Variants in CNTN5 observed in about 807,000 individuals in gnomAD.
CNTN5 encodes the protein contactin-5.
Under a neutral mutation model 129.1 loss-of-function variants are expected in CNTN5, and 77 were observed. The ratio of observed to expected loss-of-function variants is 0.60; its 90% CI spans 0.50 to 0.72. CNTN5 has a LOEUF of 0.72. CNTN5 is among the 30% of genes least tolerant of loss of function. CNTN5 has a pLI of 0.00. For synonymous variants in CNTN5, 509 were observed against 465.6 expected, an observed-to-expected ratio of 1.09 and a Z score of -1.20; for missense variants, 1,478 against 1,328.8, an observed-to-expected ratio of 1.11 and a Z score of -1.75.
intron 3 of CNTN5, among the ~76,000 whole-genome samples, chr11:99,790,318 C>T (rs1370719064): frequency 6.6e-6 from 1 of 151,972 alleles, no homozygotes; most frequent in Non-Finnish European, 1.5e-5. Flanking sequence ...TTGATCCTCA[C>T]CCTTCTCTCT....
At chr11:99,542,004 G>C (rs1948133584) in intron 2 of CNTN5, among the ~76,000 whole-genome samples, 1 of 150,014 alleles carries the variant, frequency 6.7e-6, no homozygotes, top group South Asian at 2.1e-4. Flanking sequence ...GAAATGTGGG[G>C]ACAAATATTT....
intron 1 of CNTN5, among the ~76,000 whole-genome samples, chr11:99,167,494 A>G (rs1044397506): frequency 6.6e-6 from 1 of 152,190 alleles, no homozygotes; most frequent in Non-Finnish European, 1.5e-5. Context: ...TACAGAATAT[A>G]TCATTTTATT....
chr11:99,470,769 A>C (rs192852099), intron 2 of CNTN5, among the ~76,000 whole-genome samples: 3 of 151,616 alleles, frequency 2.0e-5, no homozygotes, highest in African/African-American at 7.3e-5. Flanking sequence ...AATGTGCCTA[A>C]ATTTTTAATT....
In CNTN5 at chr11:100,261,427, C is replaced by T. The variant is rs1343440961; in HGVS notation, c.2164+5509C>T. ...TCATCAAGCTGTCATTGACTTTCTT[C>T]ACAGAATTATAAAAAACTACTTTAA... On this transcript the variant is annotated intron_variant, in intron 17 of 24. Transcript: ENST00000524871. Among the ~76,000 whole-genome samples, 4 of 152,132 alleles carry T rather than the reference C, an allele frequency of 2.6e-5. No individual in the cohort carries two copies. The East Asian group carries it at 7.7e-4, about 29-fold the overall frequency.
At chr11:99,068,753 T>G (rs1162576776) in intron 1 of CNTN5, among the ~76,000 whole-genome samples, 1 of 152,194 alleles carries the variant, frequency 6.6e-6, no homozygotes. Context: ...AACATTAAAA[T>G]TCTATACAAA....
chr11:99,963,976 T>G (rs566721432), intron 8 of CNTN5, among the ~76,000 whole-genome samples: 3 of 152,324 alleles, frequency 2.0e-5, no homozygotes, highest in Non-Finnish European at 4.4e-5. Flanking sequence ...TATTGGTGTA[T>G]AAGAATGCTT....
At chr11:99,945,644 A>G (rs1950539463) in intron 7 of CNTN5, among the ~76,000 whole-genome samples, 1 of 151,986 alleles carries the variant, frequency 6.6e-6, no homozygotes, top group Non-Finnish European at 1.5e-5. Context: ...TTATCATTTC[A>G]TAGATGAAGA....
chr11:99,202,410 G>C (rs1049315470), intron 1 of CNTN5, among the ~76,000 whole-genome samples: 4 of 152,132 alleles, frequency 2.6e-5, no homozygotes, highest in Non-Finnish European at 5.9e-5. Context: ...AGAGTTCACA[G>C]ATAATGGCAA....
intron 2 of CNTN5, among the ~76,000 whole-genome samples, chr11:99,545,694 T>C (rs1948267138): frequency 6.6e-6 from 1 of 152,242 alleles, no homozygotes; most frequent in Admixed American, 6.5e-5. Flanking sequence ...GTGCAGAGTA[T>C]ATATTCTGCA....
chr11:100,021,016 A>G (rs890677901), intron 9 of CNTN5, among the ~76,000 whole-genome samples: 5 of 152,156 alleles, frequency 3.3e-5, no homozygotes, highest in South Asian at 2.1e-4. Flanking sequence ...TACGAATTCA[A>G]TGCAGTCCCT....
intron 3 of CNTN5, among the ~76,000 whole-genome samples, chr11:99,572,875 T>C (rs767149229): frequency 6.6e-5 from 10 of 152,124 alleles, no homozygotes; most frequent in Non-Finnish European, 1.3e-4. Context: ...TTAACACATT[T>C]CAGATTACAG....
At position 99,569,343 on chromosome 11, in the gene CNTN5, T is replaced by C. The variant is rs1305920518; in HGVS notation, c.55+13074T>C. ...TTTATTTATTTTTTGAGGCAGAGTC[T>C]CGCTCTGGCGCCCAGGCTGGAGGGC... On this transcript the variant is annotated intron_variant, in intron 3 of 24. Coordinates refer to ENST00000524871, the MANE Select transcript of CNTN5 (RefSeq NM_014361.4). 2.0e-5 allele frequency among the ~76,000 whole-genome samples: 3 copies of C among 152,176 alleles called. No homozygotes were observed. In the East Asian group the frequency reaches 5.8e-4, roughly 29 times the overall value.
chr11:99,166,397 C>CAAA (rs57810491), intron 1 of CNTN5, among the ~76,000 whole-genome samples: 7 of 82,868 alleles, frequency 8.4e-5, no homozygotes, highest in East Asian at 3.3e-4. Context: ...AAGACTCTGT[C>CAAA]AAAAAAAAAA....
intron 3 of CNTN5, among the ~76,000 whole-genome samples, chr11:99,618,488 A>C (rs1187861533): frequency 6.6e-6 from 1 of 152,238 alleles, no homozygotes. Context: ...ACGTGAAAGC[A>C]GATAACCAAA....
intron 13 of CNTN5, among the ~76,000 whole-genome samples, chr11:100,168,690 T>C (rs984271396): frequency 6.6e-6 from 1 of 151,672 alleles, no homozygotes; most frequent in African/African-American, 2.4e-5. Flanking sequence ...AACACAACAT[T>C]AATTCTGCAG....
At chr11:99,528,568 CTT>C (rs1947576913) in intron 2 of CNTN5, among the ~76,000 whole-genome samples, 1 of 152,166 alleles carries the variant, frequency 6.6e-6, no homozygotes, top group South Asian at 2.1e-4. Context: ...TCTTGAGAAA[CTT>C]TATCTTTCAC....
intron 16 of CNTN5, among the ~76,000 whole-genome samples, chr11:100,243,083 C>T (rs1200648239): frequency 3.3e-5 from 5 of 152,208 alleles, no homozygotes; most frequent in Admixed American, 1.3e-4. Flanking sequence ...AATTTTCTCA[C>T]GCTGCATCCT....
At chr11:99,030,973 A>G (rs1863347782) in intron 1 of CNTN5, among the ~76,000 whole-genome samples, 2 of 151,142 alleles carry the variant, frequency 1.3e-5, no homozygotes, top group Admixed American at 1.3e-4. Context: ...TTATTTTTGT[A>G]TTTTTAGTAG....
intron 2 of CNTN5, among the ~76,000 whole-genome samples, chr11:99,511,817 A>ATAG (rs1946847742): frequency 6.6e-6 from 1 of 150,510 alleles, no homozygotes; most frequent in Non-Finnish European, 1.5e-5. Context: ...AACTTAAAGT[A>ATAG]TAATAATAAA....
Sources: gnomAD v4.1 joint callset for allele counts (sites outside exome capture counted in the v4.1 genomes callset) on GRCh38, gnomAD v4.1.1 for gene constraint, MANE v1.5 for transcripts, NCBI Gene and HGNC (gene_info 2026-07-23, HGNC 2026-07-21) for gene names.